The following ANAPC10 variants were observed in gnomAD, a reference collection of about 807,000 sequenced individuals.
The protein encoded by ANAPC10 is anaphase-promoting complex subunit 10.
ANAPC10 carries 12 observed loss-of-function variants against 22.0 expected under a neutral mutation model. That is an observed-to-expected ratio of 0.55 (90% CI 0.35 to 0.88). The LOEUF (loss-of-function observed/expected upper bound fraction) is 0.88. Ranked by LOEUF, ANAPC10 falls within the 40% of genes least tolerant of loss-of-function variation. ANAPC10 has a pLI of 0.01. For missense variants in ANAPC10, 188 were observed against 220.9 expected (o/e 0.85, Z 0.94); for synonymous variants, 65 against 69.5 (o/e 0.94, Z 0.32).
At chr4:144,996,198 A>G (rs1024132861) in intron 4 of ANAPC10, among the ~76,000 whole-genome samples, 4 of 152,138 alleles carry the variant, frequency 2.6e-5, no homozygotes, top group Non-Finnish European at 4.4e-5. Context: ...ACGGCTCTAC[A>G]CTCCGAAACA....
At chr4:145,009,436 TAAAACC>T (rs907429563) in intron 4 of ANAPC10, among the ~76,000 whole-genome samples, 1 of 150,304 alleles carries the variant, frequency 6.7e-6, no homozygotes, top group African/African-American at 2.4e-5. Flanking sequence ...CAAAATATAC[TAAAACC>T]AAAACAGCAT....
chr4:145,086,083 C>T (rs957717776), intron 2 of ANAPC10, among the ~76,000 whole-genome samples: 3 of 151,988 alleles, frequency 2.0e-5, no homozygotes, highest in African/African-American at 7.3e-5. Flanking sequence ...CCTCAGCCTC[C>T]CCCAGAGTAG....
At chr4:145,037,565 C>T (rs1002639777) in intron 4 of ANAPC10, among the ~76,000 whole-genome samples, 3 of 152,020 alleles carry the variant, frequency 2.0e-5, no homozygotes, top group African/African-American at 7.2e-5. Flanking sequence ...CAGGTGGGGG[C>T]ATCATAAATT....
chr4:145,050,357 C>T (rs1740921242), intron 4 of ANAPC10, among the ~76,000 whole-genome samples: 1 of 152,172 alleles, frequency 6.6e-6, no homozygotes, highest in African/African-American at 2.4e-5. Context: ...TGCTGTCATC[C>T]AGGCTTTGTT....
intron 4 of ANAPC10, among the ~76,000 whole-genome samples, chr4:145,045,342 T>C (rs1740144853): frequency 6.6e-6 from 1 of 152,022 alleles, no homozygotes; most frequent in South Asian, 2.1e-4. Flanking sequence ...AAGAGCCAAA[T>C]ATATCTCCAA....
chr4:145,015,953 A>C (rs1271169897), intron 4 of ANAPC10, among the ~76,000 whole-genome samples: 1 of 152,170 alleles, frequency 6.6e-6, no homozygotes, highest in East Asian at 1.9e-4. Flanking sequence ...ACCTTAAAAC[A>C]AATCCTGGAA....
chr4:145,074,320 G>A (rs965107530), intron 3 of ANAPC10, among the ~76,000 whole-genome samples: 1 of 151,828 alleles, frequency 6.6e-6, no homozygotes. Flanking sequence ...TTTTGAGGAG[G>A]GCAGAGGGCT....
chr4:145,071,691 G>C (rs1744513231), intron 3 of ANAPC10, among the ~76,000 whole-genome samples: 1 of 152,118 alleles, frequency 6.6e-6, no homozygotes, highest in Non-Finnish European at 1.5e-5. Context: ...TTTCTTTCTA[G>C]AAAGGATGAA....
intron 1 of ANAPC10, chr4:145,097,438 C>T: frequency 1.6e-6 from 2 of 1,261,922 alleles, no homozygotes; most frequent in Non-Finnish European, 2.1e-6. Context: ...AGCGCAGTTA[C>T]TGCTACTGAA....
At chr4:145,052,901 A>G (rs891049634) in intron 4 of ANAPC10, among the ~76,000 whole-genome samples, 1 of 152,068 alleles carries the variant, frequency 6.6e-6, no homozygotes, top group African/African-American at 2.4e-5. Context: ...AAAAAAAAAA[A>G]AAGGGATACT....
At chr4:145,096,451 C>T (rs2126677816) in intron 1 of ANAPC10, among the ~76,000 whole-genome samples, 1 of 152,224 alleles carries the variant, frequency 6.6e-6, no homozygotes, top group East Asian at 1.9e-4. Flanking sequence ...ACCAGATATG[C>T]AAAGCAGTGA....
chr4:145,052,494 T>C (rs1741267675), intron 4 of ANAPC10, among the ~76,000 whole-genome samples: 1 of 152,188 alleles, frequency 6.6e-6, no homozygotes, highest in Non-Finnish European at 1.5e-5. Context: ...ACAGATAAAA[T>C]AGATATACTA....
intron 2 of ANAPC10, among the ~76,000 whole-genome samples, chr4:145,086,151 T>C (rs1273782391): frequency 3.9e-5 from 6 of 152,156 alleles, no homozygotes; most frequent in Non-Finnish European, 7.4e-5. Flanking sequence ...TTAGTGGAGA[T>C]AGGGTTTCAC....
chr4:145,066,022 A>T (rs1047303172), intron 3 of ANAPC10, among the ~76,000 whole-genome samples: 1 of 152,134 alleles, frequency 6.6e-6, no homozygotes, highest in Admixed American at 6.5e-5. Context: ...AAACCCATTA[A>T]GAAATCTATT....
intron 4 of ANAPC10, chr4:145,033,195 T>C (rs909373770): frequency 1.3e-5 from 2 of 152,166 alleles, no homozygotes; most frequent in Admixed American, 1.3e-4. Flanking sequence ...GGGTCCAATA[T>C]ATGGTACAGT....
At chr4:145,097,151 G>A (rs1205277115) in intron 1 of ANAPC10, 14 of 227,090 alleles carry the variant, frequency 6.2e-5, no homozygotes, top group African/African-American at 1.4e-4. Flanking sequence ...GCAGTGAGCC[G>A]AGATCGTGCT....
chr4:145,032,829 C>G (rs1364930437), intron 4 of ANAPC10, among the ~76,000 whole-genome samples: 1 of 152,234 alleles, frequency 6.6e-6, no homozygotes. Flanking sequence ...CTTCTTCCAT[C>G]ATGGAAACGG....
chr4:145,030,854 G>A (rs902981360), intron 4 of ANAPC10, among the ~76,000 whole-genome samples: 3 of 152,300 alleles, frequency 2.0e-5, no homozygotes, highest in African/African-American at 7.2e-5. Flanking sequence ...TGAAGGACGT[G>A]GGGGTGGTAA....
Position 145,003,957 on chromosome 4 carries a change from C to G in ANAPC10, c.328-8354G>C, listed in dbSNP as rs188783971. 1.1e-4 allele frequency among the ~76,000 whole-genome samples: 16 copies of G among 152,210 alleles called. 1 individual carries two copies. In the East Asian group the frequency reaches 3.1e-3, roughly 29 times the overall value. The stretch of plus-strand genomic sequence containing the variant: ...GTATGGCCTTTTAACAATATTGAGT[C>G]TTCCTATCCATGAGCCTGGAAGGTT... On this transcript the variant is annotated intron_variant, in intron 4 of 4. Transcript: ENST00000507656.
Sources: allele counts gnomAD v4.1 joint callset (sites outside exome capture counted in the v4.1 genomes callset), GRCh38; gene constraint gnomAD v4.1.1; transcripts MANE v1.5; gene names NCBI Gene and HGNC (gene_info 2026-07-23, HGNC 2026-07-21).